MIPOL1: variants seen among roughly 807,000 people sequenced by gnomAD.
MIPOL1 encodes mirror-image polydactyly gene 1 protein.
A neutral mutation model predicts 60.9 loss-of-function variants in MIPOL1; 57 were observed. The observed-to-expected ratio is 0.94, with a 90% CI of 0.76 to 1.17. The LOEUF (loss-of-function observed/expected upper bound fraction) is 1.17. Ranked by LOEUF, MIPOL1 falls within the 50% of genes most tolerant of loss-of-function variation. MIPOL1 has a pLI of 0.00. For missense variants in MIPOL1, 551 were observed against 511.6 expected (o/e 1.08, Z -0.74); for synonymous variants, 179 against 168.8 (o/e 1.06, Z -0.47).
intron 11 of MIPOL1, among the ~76,000 whole-genome samples, chr14:37,494,166 A>G (rs1040533687): frequency 2.0e-5 from 3 of 152,232 alleles, no homozygotes; most frequent in African/African-American, 4.8e-5. Context: ...CCTTAGAATT[A>G]TAGATGTTTT....
intron 10 of MIPOL1, among the ~76,000 whole-genome samples, chr14:37,402,593 A>G (rs143340084): frequency 6.6e-6 from 1 of 152,318 alleles, no homozygotes; most frequent in East Asian, 1.9e-4. Flanking sequence ...AAAATGAGAT[A>G]TCTTACGTGC....
At chr14:37,545,633 T>C in intron 12 of MIPOL1, 1 of 641,286 alleles carries the variant, frequency 1.6e-6, no homozygotes, top group East Asian at 2.9e-5. Context: ...CACTGAATAA[T>C]TTTGTTTTAT....
At chr14:37,444,299 A>G (rs12435038) in intron 11 of MIPOL1, among the ~76,000 whole-genome samples, 85,568 of 151,956 alleles carry the variant, frequency 0.56, 25,986 homozygotes, top group Non-Finnish European at 0.67. Flanking sequence ...TAAAGGTTGC[A>G]TACAAAATTA....
intron 1 of MIPOL1, among the ~76,000 whole-genome samples, chr14:37,218,908 G>C (rs1421642414): frequency 2.8e-5 from 4 of 140,564 alleles, no homozygotes; most frequent in Non-Finnish European, 6.0e-5. Context: ...CTGGGCAACA[G>C]AGTGAGACCC....
At chr14:37,443,921 C>T (rs993323706) in intron 11 of MIPOL1, among the ~76,000 whole-genome samples, 1 of 152,040 alleles carries the variant, frequency 6.6e-6, no homozygotes, top group African/African-American at 2.4e-5. Context: ...TCAGTGGATG[C>T]AGAAAAAGCA....
chr14:37,529,652 G>A (rs1266013071), intron 12 of MIPOL1, among the ~76,000 whole-genome samples: 3 of 152,148 alleles, frequency 2.0e-5, no homozygotes, highest in African/African-American at 4.8e-5. Flanking sequence ...CGACAAGGAA[G>A]GCTTCAAGGA....
At chr14:37,265,995 T>G (rs1441840232) in intron 3 of MIPOL1, among the ~76,000 whole-genome samples, 1 of 152,048 alleles carries the variant, frequency 6.6e-6, no homozygotes, top group Non-Finnish European at 1.5e-5. Flanking sequence ...CATTTATAAT[T>G]AAATTTTAGA....
intron 10 of MIPOL1, among the ~76,000 whole-genome samples, chr14:37,411,043 A>G (rs1234405533): frequency 6.6e-6 from 1 of 152,178 alleles, no homozygotes; most frequent in East Asian, 1.9e-4. Flanking sequence ...GTTTAACTGG[A>G]GAAAATATGC....
chr14:37,461,492 C>A (rs773294818), intron 11 of MIPOL1, among the ~76,000 whole-genome samples: 20 of 152,120 alleles, frequency 1.3e-4, no homozygotes, highest in Non-Finnish European at 2.5e-4. Context: ...GGTAGGGACA[C>A]AGAGCCAAAC....
chr14:37,277,191 A>T (rs1215041526), intron 6 of MIPOL1: 1 of 151,324 alleles, frequency 6.6e-6, no homozygotes, highest in Non-Finnish European at 1.5e-5. Flanking sequence ...AAAACATAAA[A>T]ATAACAAAAA....
rs1358177448 is a variant in MIPOL1 at position 37,500,024 on chromosome 14, A to C, written c.1148A>C (p.Gln383Pro). The C allele has an allele frequency of 6.2e-7, 1 of 1,613,894 alleles. No homozygotes were observed. The highest frequency in any genetic ancestry group is 1.3e-5 in the African/African-American group (1 of 74,932). Reference sequence around the variant, plus strand: ...AACATTGTTTCCATCACTCAACAACAAAATGAGGAACTGGCTACTCAACTG... The same window carrying C: ...AACATTGTTTCCATCACTCAACAACCAAATGAGGAACTGGCTACTCAACTG... Reference protein sequence around the residue: ...RENIVSITQQQNEELATQLQQ... With the variant: ...RENIVSITQQPNEELATQLQQ... The change falls in exon 12 of 13, where the codon CAA becomes CCA. Residue 383 changes from glutamine (Q) to proline (P), a missense_variant. Gln to Pro is a moderately conservative substitution (Grantham distance 76, BLOSUM62 -1). Coordinates refer to ENST00000684589, the MANE Select transcript of MIPOL1 (RefSeq NM_001388067.1).
intron 9 of MIPOL1, among the ~76,000 whole-genome samples, chr14:37,312,917 A>G (rs1021148781): frequency 2.6e-5 from 4 of 152,192 alleles, no homozygotes; most frequent in Non-Finnish European, 1.5e-5. Context: ...AGGATCTTTC[A>G]GATTATTATT....
At chr14:37,527,031 T>C (rs1426691758) in intron 12 of MIPOL1, among the ~76,000 whole-genome samples, 1 of 152,154 alleles carries the variant, frequency 6.6e-6, no homozygotes, top group African/African-American at 2.4e-5. Flanking sequence ...CTTTTAAAAA[T>C]ATTTTATTAG....
In MIPOL1 at chr14:37,205,821, G is replaced by A. The variant is rs188775650; in HGVS notation, c.-199+7717G>A. Among the ~76,000 whole-genome samples, 523 of 152,252 alleles carry A rather than the reference G, an allele frequency of 3.4e-3. 3 individuals are homozygous for A. Among genetic ancestry groups the A allele is most frequent in the African/African-American group, 0.012 (513 of 41,534 alleles). On this transcript the variant is annotated intron_variant, in intron 1 of 12. Coordinates refer to ENST00000684589, the MANE Select transcript of MIPOL1 (RefSeq NM_001388067.1). The stretch of plus-strand genomic sequence containing the variant: ...TCTCATGCTTTTTTATGGCTGCATA[G>A]TATTCCATGGTGTAAATGTGCCACA...
At chr14:37,317,815 A>G (rs2088088070) in intron 9 of MIPOL1, among the ~76,000 whole-genome samples, 1 of 152,188 alleles carries the variant, frequency 6.6e-6, no homozygotes, top group Non-Finnish European at 1.5e-5. Context: ...ATGTGGTTGT[A>G]TAGGAAAAAA....
intron 11 of MIPOL1, among the ~76,000 whole-genome samples, chr14:37,498,864 A>T (rs879690821): frequency 7.2e-5 from 11 of 152,260 alleles, no homozygotes; most frequent in Admixed American, 1.3e-4. Context: ...GAAATTTATA[A>T]TTACTTTGAA....
intron 11 of MIPOL1, among the ~76,000 whole-genome samples, chr14:37,476,476 T>C (rs1006026042): frequency 4.6e-5 from 7 of 152,220 alleles, no homozygotes; most frequent in Admixed American, 3.9e-4. Flanking sequence ...CGATGTTGAA[T>C]AGAAGTAGTG....
In MIPOL1 at chr14:37,548,794, G is replaced by C. The variant is rs1055961196; in HGVS notation, c.*1823G>C. ...TGTCTTTTAGAATACACAAAATATA[G>C]TATAAAGACATTTCACAATTTCCAA... On this transcript the variant is annotated 3_prime_UTR_variant, in exon 13 of 13. Coordinates refer to ENST00000684589, the MANE Select transcript of MIPOL1 (RefSeq NM_001388067.1). 2 of 151,908 alleles carry C rather than the reference G, an allele frequency of 1.3e-5. No homozygotes were observed. Among genetic ancestry groups the C allele is most frequent in the Non-Finnish European group, 2.9e-5 (2 of 67,818 alleles). The allele number at this position is 151,908 out of a possible 1,614,324, so 9.4% of individuals were successfully genotyped here.
chr14:37,438,048 TA>T (rs928896029), intron 11 of MIPOL1, among the ~76,000 whole-genome samples: 1 of 152,126 alleles, frequency 6.6e-6, no homozygotes, highest in Non-Finnish European at 1.5e-5. Context: ...GTGAGGCATT[TA>T]AAAAAATATT....
Sources: allele counts gnomAD v4.1 joint callset (sites outside exome capture counted in the v4.1 genomes callset), GRCh38; gene constraint gnomAD v4.1.1; transcripts MANE v1.5; gene names NCBI Gene and HGNC (gene_info 2026-07-23, HGNC 2026-07-21).